The following DPYS variants were observed in gnomAD, a reference collection of about 807,000 sequenced individuals.
The protein encoded by DPYS is dihydropyrimidinase.
In DPYS, 39 loss-of-function variants were observed where a neutral mutation model predicts 50.3. That is an observed-to-expected ratio of 0.78 (90% CI 0.60 to 1.01). The LOEUF is 1.01. Ranked by LOEUF, DPYS falls within the 50% of genes least tolerant of loss-of-function variation. The pLI is 0.00. For missense variants in DPYS, 659 were observed against 680.9 expected (o/e 0.97, Z 0.36); for synonymous variants, 245 against 250.7 (o/e 0.98, Z 0.22).
chr8:104,401,443 T>C (rs1588411209), intron 7 of DPYS, among the ~76,000 whole-genome samples: 1 of 152,198 alleles, frequency 6.6e-6, no homozygotes, highest in East Asian at 1.9e-4. Flanking sequence ...GAGATAAGCC[T>C]GGGCCTTTCG....
At chr8:104,464,967 TCCTA>T (rs1814308237) in intron 1 of DPYS, among the ~76,000 whole-genome samples, 1 of 152,214 alleles carries the variant, frequency 6.6e-6, no homozygotes, top group South Asian at 2.1e-4. Flanking sequence ...CAACAATCTG[TCCTA>T]CAAAAGACTT....
At chr8:104,427,251 G>C (rs1812760019) in intron 6 of DPYS, among the ~76,000 whole-genome samples, 1 of 150,684 alleles carries the variant, frequency 6.6e-6, no homozygotes, top group Non-Finnish European at 1.5e-5. Context: ...TCATGGAAAG[G>C]AGGTATGAGC....
chr8:104,448,810 T>C (rs956284551), intron 2 of DPYS, among the ~76,000 whole-genome samples: 3 of 152,212 alleles, frequency 2.0e-5, no homozygotes, highest in Non-Finnish European at 4.4e-5. Context: ...TTAAGAATGA[T>C]AATATTACAC....
intron 1 of DPYS, among the ~76,000 whole-genome samples, chr8:104,453,327 T>A (rs1225107015): frequency 6.6e-6 from 1 of 152,122 alleles, no homozygotes; most frequent in Non-Finnish European, 1.5e-5. Context: ...AGGAAAAAAA[T>A]TCCTCAGGCT....
chr8:104,405,679 G>A (rs531820635), intron 7 of DPYS, among the ~76,000 whole-genome samples: 25 of 152,346 alleles, frequency 1.6e-4, no homozygotes, highest in South Asian at 1.0e-3. Flanking sequence ...ATCAGCTGGC[G>A]CTAATGTAGT....
intron 5 of DPYS, among the ~76,000 whole-genome samples, chr8:104,428,703 G>C (rs774033711): frequency 1.2e-4 from 18 of 152,220 alleles, no homozygotes; most frequent in Non-Finnish European, 2.4e-4. Flanking sequence ...TCATGAAGGA[G>C]GAAGGAAGCT....
chr8:104,466,935 G>A lies in DPYS; in HGVS notation c.-15C>T. 6.8e-7 allele frequency: 1 copy of A among 1,465,314 alleles called. No individual in the cohort carries two copies. Among genetic ancestry groups the A allele is most frequent in the African/African-American group, 1.5e-5 (1 of 68,116 alleles). 90.8% of individuals were successfully genotyped at this position (1,465,314 alleles called of 1,614,324 possible). A position where few individuals can be genotyped will look rare whatever the true frequency, so the allele number is the denominator to read the frequency against. Reference sequence around the variant, plus strand: ...GGCGCCGCCATAGCGAGGGGCGCGCGGGGTCCTACTCGGCCCGGGCTGCGC... The same window carrying A: ...GGCGCCGCCATAGCGAGGGGCGCGCAGGGTCCTACTCGGCCCGGGCTGCGC... On this transcript the variant is annotated 5_prime_UTR_variant, in exon 1 of 10. Transcript: ENST00000351513.
chr8:104,441,262 A>G (rs1166018109), intron 4 of DPYS, among the ~76,000 whole-genome samples: 4 of 152,150 alleles, frequency 2.6e-5, no homozygotes, highest in African/African-American at 4.8e-5. Flanking sequence ...TTCCTTGGGG[A>G]AAATATGAGC....
At chr8:104,461,109 C>G (rs1264955466) in intron 1 of DPYS, among the ~76,000 whole-genome samples, 2 of 142,286 alleles carry the variant, frequency 1.4e-5, no homozygotes, top group African/African-American at 5.2e-5. Flanking sequence ...CATAGTGAGA[C>G]CCTGTCTCTA....
chr8:104,405,493 A>G (rs1300954676), intron 7 of DPYS, among the ~76,000 whole-genome samples: 1 of 152,228 alleles, frequency 6.6e-6, no homozygotes, highest in Non-Finnish European at 1.5e-5. Flanking sequence ...ACTTGGTGAC[A>G]GCTAATCATC....
intron 5 of DPYS, 40 bp from the exon 6 acceptor site, chr8:104,428,161 C>T (rs1274263181): frequency 1.2e-6 from 2 of 1,613,330 alleles, no homozygotes; most frequent in African/African-American, 1.3e-5. Context: ...GGTGAGTATA[C>T]AGAATATGTT....
intron 7 of DPYS, among the ~76,000 whole-genome samples, chr8:104,408,026 A>G (rs192973676): frequency 2.6e-4 from 40 of 152,362 alleles, no homozygotes; most frequent in Non-Finnish European, 4.4e-4. Flanking sequence ...TCATACACTC[A>G]TTCATTTTAC....
chr8:104,381,195 A>G lies in DPYS; in HGVS notation c.*3T>C. ...CTACAGTCCCTTACCGATGGCACAC[A>G]CTTCAGGGGTGGGCCTGTTTCCTGG... On this transcript the variant is annotated 3_prime_UTR_variant, in exon 9 of 10. Coordinates refer to ENST00000351513, the MANE Select transcript of DPYS (RefSeq NM_001385.3). 7 of 1,613,400 alleles carry G rather than the reference A, an allele frequency of 4.3e-6. No homozygotes were observed. The highest frequency in any genetic ancestry group is 5.9e-6 in the Non-Finnish European group (7 of 1,179,526).
intron 8 of DPYS, among the ~76,000 whole-genome samples, chr8:104,391,212 A>G (rs1811376382): frequency 6.6e-6 from 1 of 152,212 alleles, no homozygotes; most frequent in Non-Finnish European, 1.5e-5. Context: ...AAAATTTTTC[A>G]TAAGACATTA....
At chr8:104,380,295 C>A (rs1810988563) in intron 9 of DPYS, among the ~76,000 whole-genome samples, 1 of 152,154 alleles carries the variant, frequency 6.6e-6, no homozygotes, top group African/African-American at 2.4e-5. Flanking sequence ...TCAAACTGTG[C>A]CTCTCATTAA....
At chr8:104,404,661 A>G (rs553706951) in intron 7 of DPYS, among the ~76,000 whole-genome samples, 3 of 152,396 alleles carry the variant, frequency 2.0e-5, no homozygotes, top group African/African-American at 7.2e-5. Flanking sequence ...TGGATATTCA[A>G]TGACAGGAGT....
intron 4 of DPYS, among the ~76,000 whole-genome samples, chr8:104,434,622 ACAAT>A (rs1384212763): frequency 6.6e-6 from 1 of 152,238 alleles, no homozygotes; most frequent in Non-Finnish European, 1.5e-5. Context: ...CAAATAAACA[ACAAT>A]CAAATATACA....
rs751937046 is a variant in DPYS, at chr8:104,379,731, T to C, written c.*127A>G. 1.8e-5 allele frequency: 8 copies of C among 454,676 alleles called. No individual in the cohort carries two copies. Among genetic ancestry groups the C allele is most frequent in the Non-Finnish European group, 4.4e-6 (1 of 226,212 alleles). The allele number at this position is 454,676 out of a possible 1,614,324, so 28.2% of individuals were successfully genotyped here. ...GAAAGAAAATCAAAGAAGCCTATAG[T>C]GGTGAATTTTTTCTAAAGGATCCTA... On this transcript the variant is annotated 3_prime_UTR_variant, in exon 10 of 10. Transcript: ENST00000351513.
chr8:104,380,961 C>T (rs1051045578), intron 9 of DPYS: 1 of 485,614 alleles, frequency 2.1e-6, no homozygotes, highest in Non-Finnish European at 3.8e-6. Context: ...TTGAATGTTT[C>T]CTAACATCTT....
Sources: gnomAD v4.1 joint callset for allele counts (sites outside exome capture counted in the v4.1 genomes callset) on GRCh38, gnomAD v4.1.1 for gene constraint, MANE v1.5 for transcripts, NCBI Gene and HGNC (gene_info 2026-07-23, HGNC 2026-07-21) for gene names.